TTC9: variants seen among roughly 807,000 people sequenced by gnomAD.
TTC9 encodes tetratricopeptide repeat domain 9, also known as tetratricopeptide repeat protein 9A.
TTC9 carries 13 observed loss-of-function variants against 22.9 expected under a neutral mutation model. The ratio of observed to expected loss-of-function variants is 0.57; its 90% CI spans 0.37 to 0.90. The LOEUF (loss-of-function observed/expected upper bound fraction) is 0.90, where lower values mean the gene tolerates loss of function less well. TTC9 is among the 40% of genes least tolerant of loss of function. The pLI, the probability that TTC9 is intolerant of heterozygous loss-of-function variation, is 0.01. For missense variants in TTC9, 280 were observed against 291.8 expected (o/e 0.96, Z 0.29); for synonymous variants, 148 against 133.2 (o/e 1.11, Z -0.77).
intron 1 of TTC9, among the ~76,000 whole-genome samples, chr14:70,649,031 T>C (rs536952540): frequency 6.6e-6 from 1 of 152,284 alleles, no homozygotes; most frequent in East Asian, 1.9e-4. Flanking sequence ...AGAATTTTGA[T>C]TTTGGATTTG....
At chr14:70,651,386 A>C (rs572225517) in intron 1 of TTC9, among the ~76,000 whole-genome samples, 2 of 143,858 alleles carry the variant, frequency 1.4e-5, no homozygotes, top group South Asian at 4.1e-4. Flanking sequence ...GTGTAGAGAA[A>C]TTATGAGTAA....
chr14:70,642,550 GCCCCC>G lies in TTC9; in HGVS notation c.406+17_406+21del. ...CAGCCTGGCAGGTGAGCCGCGCCGC[GCCCCC>G]CGCGCCGCGGTCCCCGTTCTTCGGC... On this transcript the variant is annotated intron_variant, in intron 1 of 2. Transcript: ENST00000256367. 1.3e-6 allele frequency: 2 copies of G among 1,526,256 alleles called. No homozygotes were observed. Among genetic ancestry groups the G allele is most frequent in the Non-Finnish European group, 1.8e-6 (2 of 1,138,840 alleles). 94.5% of individuals were successfully genotyped at this position (1,526,256 alleles called of 1,614,324 possible).
intron 2 of TTC9, among the ~76,000 whole-genome samples, chr14:70,668,102 G>A (rs900049392): frequency 7.2e-5 from 11 of 152,238 alleles, no homozygotes; most frequent in South Asian, 2.1e-4. Context: ...AGACACTGCC[G>A]CTACCCATGA....
At chr14:70,642,655 A>T in intron 1 of TTC9, 120 bp downstream of exon 1, 1 of 990,270 alleles carries the variant, frequency 1.0e-6, no homozygotes. Flanking sequence ...CTCTGGGGAG[A>T]ACCCGGGAGG....
chr14:70,643,820 G>A (rs1339067653), intron 1 of TTC9, among the ~76,000 whole-genome samples: 2 of 152,172 alleles, frequency 1.3e-5, no homozygotes, highest in South Asian at 2.1e-4. Context: ...CCCAGGCTAC[G>A]GAGGCACTTT....
In TTC9 at chr14:70,646,419, C is replaced by T. The variant is rs1186510129; in HGVS notation, c.406+3884C>T. Among the ~76,000 whole-genome samples, 3 of 152,216 alleles carry T rather than the reference C, an allele frequency of 2.0e-5. No individual in the cohort carries two copies. In the East Asian group the frequency reaches 5.8e-4, roughly 29 times the overall value. On this transcript the variant is annotated intron_variant, in intron 1 of 2. Coordinates refer to ENST00000256367, the MANE Select transcript of TTC9 (RefSeq NM_015351.2). ...GACTCCCCTGGGGCCTTGGAATGTT[C>T]AGTGTAGAACCCTTTGAAGGGCAGA...
intron 1 of TTC9, among the ~76,000 whole-genome samples, chr14:70,643,953 C>A (rs574149665): frequency 1.3e-5 from 2 of 152,260 alleles, no homozygotes; most frequent in South Asian, 4.1e-4. Context: ...TGTAGTACAG[C>A]AAAAATGGAC....
rs1360405525 is a variant in TTC9, at chr14:70,671,024, G to A, written c.590-52G>A. Reference sequence around the variant, plus strand: ...CAGCCTTTGCTAATTCCTTGTAAATGTGATAGTTGCCCTCACCTGGTGTTC... The same window carrying A: ...CAGCCTTTGCTAATTCCTTGTAAATATGATAGTTGCCCTCACCTGGTGTTC... On this transcript the variant is annotated intron_variant, in intron 2 of 2. Coordinates refer to ENST00000256367, the MANE Select transcript of TTC9 (RefSeq NM_015351.2). The A allele has an allele frequency of 3.9e-6, 6 of 1,547,304 alleles. No individual in the cohort carries two copies. The Admixed American group carries it at 1.0e-4, about 26-fold the overall frequency.
chr14:70,651,890 C>A (rs1885989823), intron 1 of TTC9, among the ~76,000 whole-genome samples: 1 of 151,944 alleles, frequency 6.6e-6, no homozygotes, highest in Non-Finnish European at 1.5e-5. Flanking sequence ...TCAGTCATTC[C>A]ATTCATTGGA....
intron 1 of TTC9, among the ~76,000 whole-genome samples, chr14:70,662,753 T>C (rs1402019561): frequency 6.6e-6 from 1 of 152,380 alleles, no homozygotes; most frequent in African/African-American, 2.4e-5. Flanking sequence ...CCAGCTCTTA[T>C]GATTCCTAGT....
intron 1 of TTC9, among the ~76,000 whole-genome samples, chr14:70,662,518 G>T (rs190904334): frequency 6.6e-6 from 1 of 151,844 alleles, no homozygotes; most frequent in Non-Finnish European, 1.5e-5. Context: ...CCCAACAAAA[G>T]ATACCTGACC....
intron 1 of TTC9, among the ~76,000 whole-genome samples, chr14:70,657,448 CAAAG>C (rs1207180999): frequency 6.6e-6 from 1 of 152,096 alleles, no homozygotes; most frequent in Non-Finnish European, 1.5e-5. Flanking sequence ...GTTGCTAAAA[CAAAG>C]AAAACAAAAG....
intron 1 of TTC9, among the ~76,000 whole-genome samples, chr14:70,655,796 G>A (rs1886056332): frequency 6.6e-6 from 1 of 152,170 alleles, no homozygotes. Flanking sequence ...GTTATGAGAT[G>A]CAGAAGGAGT....
chr14:70,650,736 T>C (rs1885972710), intron 1 of TTC9, among the ~76,000 whole-genome samples: 1 of 152,238 alleles, frequency 6.6e-6, no homozygotes, highest in Non-Finnish European at 1.5e-5. Flanking sequence ...TTACATGGAA[T>C]AGAGAAGTTC....
intron 1 of TTC9, among the ~76,000 whole-genome samples, chr14:70,656,534 A>T (rs895301842): frequency 1.3e-5 from 2 of 152,198 alleles, no homozygotes; most frequent in Admixed American, 6.5e-5. Flanking sequence ...ATCTGAGGAC[A>T]TGAGGGAAAG....
intron 2 of TTC9, among the ~76,000 whole-genome samples, chr14:70,669,366 G>A (rs571751767): frequency 1.3e-5 from 2 of 151,864 alleles, no homozygotes; most frequent in African/African-American, 2.4e-5. Context: ...TACGACTTCC[G>A]CCTCTTGGGC....
intron 1 of TTC9, among the ~76,000 whole-genome samples, chr14:70,646,597 C>T (rs1459449868): frequency 1.3e-5 from 2 of 152,214 alleles, no homozygotes; most frequent in Non-Finnish European, 2.9e-5. Context: ...CAAACCATGG[C>T]ATTGGACCTG....
intron 1 of TTC9, among the ~76,000 whole-genome samples, chr14:70,654,380 C>G (rs1196615749): frequency 6.6e-6 from 1 of 151,756 alleles, no homozygotes; most frequent in Admixed American, 6.6e-5. Context: ...CACCTGAGGT[C>G]AGGAGTTTGA....
intron 1 of TTC9, among the ~76,000 whole-genome samples, chr14:70,650,838 A>G (rs58429259): frequency 0.3 from 45,531 of 151,992 alleles, 7,349 homozygotes; most frequent in East Asian, 0.53. Flanking sequence ...CTTTGTGTAG[A>G]ATTTTAATAA....
Sources: gnomAD v4.1 joint callset for allele counts (sites outside exome capture counted in the v4.1 genomes callset) on GRCh38, gnomAD v4.1.1 for gene constraint, MANE v1.5 for transcripts, NCBI Gene and HGNC (gene_info 2026-07-23, HGNC 2026-07-21) for gene names.